ICA1: variants seen among roughly 807,000 people sequenced by gnomAD.
ICA1 encodes the protein 69 kDa islet cell autoantigen.
ICA1 carries 40 observed loss-of-function variants against 71.0 expected under a neutral mutation model. The ratio of observed to expected loss-of-function variants is 0.56; its 90% CI spans 0.44 to 0.73. ICA1 has a LOEUF of 0.73. ICA1 is among the 30% of genes least tolerant of loss of function. The probability of loss-of-function intolerance (pLI) is 0.00; values close to 1 mark genes in which losing one functional copy is unlikely to be tolerated. For missense variants in ICA1, 578 were observed against 576.5 expected (o/e 1.00, Z -0.03); for synonymous variants, 207 against 209.5 (o/e 0.99, Z 0.10).
chr7:8,214,605 A>T (rs967312983), intron 6 of ICA1, among the ~76,000 whole-genome samples: 7 of 152,134 alleles, frequency 4.6e-5, no homozygotes, highest in African/African-American at 1.7e-4. Flanking sequence ...GTCCTTCTTG[A>T]AGGCTGGACT....
chr7:8,151,894 CTG>C (rs1315561207), intron 8 of ICA1, among the ~76,000 whole-genome samples: 2 of 152,194 alleles, frequency 1.3e-5, no homozygotes, highest in Admixed American at 1.3e-4. Context: ...ATGGGTACAT[CTG>C]TTTCAATGGT....
intron 1 of ICA1, among the ~76,000 whole-genome samples, chr7:8,243,411 G>A (rs1470737031): frequency 2.6e-5 from 4 of 151,960 alleles, no homozygotes; most frequent in South Asian, 2.1e-4. Context: ...TTGATGGAAC[G>A]TATCTCAAAA....
chr7:8,241,735 G>A (rs1299651512), intron 1 of ICA1, among the ~76,000 whole-genome samples: 2 of 151,752 alleles, frequency 1.3e-5, no homozygotes, highest in African/African-American at 2.4e-5. Flanking sequence ...CCAAACAAAT[G>A]GAAAGCAAAA....
intron 9 of ICA1, among the ~76,000 whole-genome samples, chr7:8,142,447 A>G (rs1458046768): frequency 6.6e-6 from 1 of 152,232 alleles, no homozygotes; most frequent in African/African-American, 2.4e-5. Context: ...GTGAGCTTTC[A>G]AAAATGAAGC....
At position 8,132,039 on chromosome 7, in the gene ICA1, A is replaced by G. The variant is rs1791628825; in HGVS notation, c.1061-3897T>C. On this transcript the variant is annotated intron_variant, in intron 12 of 13. Transcript: ENST00000402384. The surrounding 1 kb of genome is among the most constrained non-coding windows in gnomAD (Gnocchi z 4.5). ...TGCCAAACCCACAGATGCTACACCA[A>G]GTTCCCTTCACTCTCTTGCAGGCTC... 6.6e-6 allele frequency among the ~76,000 whole-genome samples: 1 copy of G among 152,176 alleles called. No individual in the cohort carries two copies. Among genetic ancestry groups the G allele is most frequent in the Non-Finnish European group, 1.5e-5 (1 of 68,026 alleles).
chr7:8,153,550 G>C (rs1800397898), intron 8 of ICA1, among the ~76,000 whole-genome samples: 1 of 152,076 alleles, frequency 6.6e-6, no homozygotes, highest in Admixed American at 6.5e-5. Flanking sequence ...AAATGTGAAA[G>C]TAAATGACAT....
At chr7:8,211,389 G>C (rs1254473755) in intron 6 of ICA1, among the ~76,000 whole-genome samples, 1 of 152,190 alleles carries the variant, frequency 6.6e-6, no homozygotes, top group Non-Finnish European at 1.5e-5. Flanking sequence ...CTGCAAGGGA[G>C]GCTTAGCGTG....
Position 8,218,458 on chromosome 7 carries a change from C to G in ICA1, c.426G>C (p.Glu142Asp). 6.2e-7 allele frequency: 1 copy of G among 1,614,144 alleles called. No individual in the cohort carries two copies. The highest frequency in any genetic ancestry group is 8.5e-7 in the Non-Finnish European group (1 of 1,180,004). Residue 142 changes from glutamate to aspartate, a missense_variant, in exon 6 of 14, where the codon GAG becomes GAC. Physicochemically the swap from Glu to Asp is conservative, Grantham distance 45. Transcript: ENST00000402384. ...NPLCRFHQEV[E>D]TFRHRAISDT... is the part of the protein sequence containing the mutation. ...CTGAGATGGCCCGATGCCGAAAAGT[C>G]TCCACTTCTTGGTGAAATCGACACA... is the stretch of plus-strand genomic sequence containing the variant.
At chr7:8,162,693 T>A (rs1804325347) in intron 6 of ICA1, among the ~76,000 whole-genome samples, 1 of 152,236 alleles carries the variant, frequency 6.6e-6, no homozygotes, top group Admixed American at 6.5e-5. Context: ...CTCAAATAAA[T>A]GTACCCTTTA....
chr7:8,175,341 T>A (rs1780253318), intron 6 of ICA1, among the ~76,000 whole-genome samples: 1 of 152,140 alleles, frequency 6.6e-6, no homozygotes, highest in South Asian at 2.1e-4. Context: ...GAAGATGTGG[T>A]TGTCATTTTA....
chr7:8,170,569 A>T (rs1232011095), intron 6 of ICA1, among the ~76,000 whole-genome samples: 1 of 151,984 alleles, frequency 6.6e-6, no homozygotes. Context: ...ATTGTTAAAC[A>T]TTTCATATTT....
chr7:8,258,110 G>T (rs764539259), intron 1 of ICA1, among the ~76,000 whole-genome samples: 1 of 152,058 alleles, frequency 6.6e-6, no homozygotes, highest in Non-Finnish European at 1.5e-5. Flanking sequence ...GGATGCCCCC[G>T]CCCTGGGCTG....
chr7:8,239,211 T>A (rs1802897531), intron 1 of ICA1, among the ~76,000 whole-genome samples: 1 of 152,202 alleles, frequency 6.6e-6, no homozygotes, highest in Non-Finnish European at 1.5e-5. Flanking sequence ...ATCTTAAGAT[T>A]TCCTGACATA....
chr7:8,192,076 A>T (rs990412842), intron 6 of ICA1, among the ~76,000 whole-genome samples: 1 of 152,188 alleles, frequency 6.6e-6, no homozygotes, highest in African/African-American at 2.4e-5. Flanking sequence ...AATTCAATAT[A>T]TATTTCCTAA....
intron 8 of ICA1, among the ~76,000 whole-genome samples, chr7:8,152,063 G>A (rs745793514): frequency 1.3e-5 from 2 of 152,052 alleles, no homozygotes; most frequent in African/African-American, 4.8e-5. Flanking sequence ...CCTGCCTGCC[G>A]GCCTTCCCAG....
chr7:8,230,226 A>C (rs17145897), intron 3 of ICA1, among the ~76,000 whole-genome samples: 19,955 of 152,244 alleles, frequency 0.13, 1,596 homozygotes, highest in Non-Finnish European at 0.18. Flanking sequence ...TTTCATTAGC[A>C]AGCAACGTGG....
At chr7:8,243,376 C>T (rs1308816477) in intron 1 of ICA1, among the ~76,000 whole-genome samples, 1 of 152,126 alleles carries the variant, frequency 6.6e-6, no homozygotes, top group Non-Finnish European at 1.5e-5. Flanking sequence ...ATGCTTCATG[C>T]TAAAAACTCT....
chr7:8,242,684 G>A (rs1202304873), intron 1 of ICA1, among the ~76,000 whole-genome samples: 1 of 152,026 alleles, frequency 6.6e-6, no homozygotes, highest in African/African-American at 2.4e-5. Context: ...TAATAAAGAA[G>A]AAAAGAGAGA....
chr7:8,156,482 T>G (rs3757523), intron 8 of ICA1: 135,748 of 160,292 alleles, frequency 0.85, 57,710 homozygotes, highest in African/African-American at 0.9. Flanking sequence ...ATTCATCCTC[T>G]GTAACCACTA....
Sources: gnomAD v4.1 joint callset for allele counts (sites outside exome capture counted in the v4.1 genomes callset) on GRCh38, gnomAD v4.1.1 for gene constraint, Gnocchi (gnomAD v3.1) non-coding constraint, MANE v1.5 for transcripts, NCBI Gene and HGNC (gene_info 2026-07-23, HGNC 2026-07-21) for gene names.